Variants in AFF2 observed in about 807,000 individuals in gnomAD.
The protein encoded by AFF2 is ALF transcription elongation factor 2, also known as AF4/FMR2 family member 2.
Under a neutral mutation model 76.9 loss-of-function variants are expected in AFF2, and 14 were observed. The ratio of observed to expected loss-of-function variants is 0.18; its 90% CI spans 0.12 to 0.28. The LOEUF (loss-of-function observed/expected upper bound fraction) is 0.28. AFF2 is among the 10% of genes least tolerant of loss of function. AFF2 has a pLI of 1.00. For missense variants in AFF2, 868 were observed against 1,001.1 expected, an observed-to-expected ratio of 0.87 and a Z score of 1.79; for synonymous variants, 398 against 366.7, an observed-to-expected ratio of 1.09 and a Z score of -0.98.
At chrX:148,623,124 TA>T (rs2053886269) in intron 1 of AFF2, among the ~76,000 whole-genome samples, 1 of 111,529 alleles carries the variant, frequency 9.0e-6, no homozygotes, top group Non-Finnish European at 1.9e-5. Context: ...GATGGTATCA[TA>T]TAATATAAAG....
intron 1 of AFF2, among the ~76,000 whole-genome samples, chrX:148,564,468 G>GA (rs5904241): frequency 0.3 from 25,554 of 85,443 alleles, 3,795 homozygotes; most frequent in East Asian, 0.92. Context: ...CTCTTGATTT[G>GA]AAAAAAAAAA....
At chrX:148,636,977 G>T (rs1348742403) in intron 1 of AFF2, among the ~76,000 whole-genome samples, 1 of 111,833 alleles carries the variant, frequency 8.9e-6, no homozygotes, top group Non-Finnish European at 1.9e-5. Context: ...ATAGTGCTTA[G>T]GATCTTTAAA....
chrX:148,529,398 G>C (rs1445526321), intron 1 of AFF2, among the ~76,000 whole-genome samples: 1 of 111,787 alleles, frequency 8.9e-6, no homozygotes, highest in African/African-American at 3.3e-5. Flanking sequence ...TATGCAATGG[G>C]GCCTTTATGT....
chrX:148,837,920 C>T (rs781965336), intron 5 of AFF2, among the ~76,000 whole-genome samples, 187 bp downstream of exon 5: 3 of 111,976 alleles, frequency 2.7e-5, no homozygotes, highest in Non-Finnish European at 3.8e-5. Flanking sequence ...AAAATACACA[C>T]AGATACCGGC....
At chrX:148,565,981 A>G (rs1352874787) in intron 1 of AFF2, among the ~76,000 whole-genome samples, 6 of 111,496 alleles carry the variant, frequency 5.4e-5, no homozygotes, top group African/African-American at 2.0e-4. Context: ...ATGTGCGTGT[A>G]TAGTTAGAAG....
intron 7 of AFF2, among the ~76,000 whole-genome samples, chrX:148,865,027 C>G (rs2070890210): frequency 8.9e-6 from 1 of 112,233 alleles, no homozygotes; most frequent in African/African-American, 3.2e-5. Context: ...TTGTGAGACT[C>G]TAAGTCACTC....
intron 3 of AFF2, among the ~76,000 whole-genome samples, chrX:148,732,690 T>A (rs1298607145): frequency 9.2e-6 from 1 of 108,463 alleles, no homozygotes; most frequent in Admixed American, 9.9e-5. Flanking sequence ...ATGTATAGAA[T>A]GGGAGTACCT....
intron 13 of AFF2, among the ~76,000 whole-genome samples, chrX:148,963,499 G>T (rs1557288346): frequency 1.8e-5 from 2 of 112,072 alleles, no homozygotes; most frequent in Non-Finnish European, 1.9e-5. Flanking sequence ...AAAATGAGGG[G>T]ATTTGACTAG....
intron 8 of AFF2, among the ~76,000 whole-genome samples, chrX:148,888,121 C>T (rs1427475389): frequency 3.6e-5 from 4 of 111,813 alleles, no homozygotes; most frequent in Non-Finnish European, 5.6e-5. Context: ...GTGCATCCAT[C>T]CCAGTTCCAG....
At chrX:148,726,770 G>C (rs563399632) in intron 3 of AFF2, among the ~76,000 whole-genome samples, 2 of 111,791 alleles carry the variant, frequency 1.8e-5, no homozygotes, top group African/African-American at 6.5e-5. Context: ...TATTGATTTA[G>C]GTGTAGCACA....
rs782254180 is a variant in AFF2 at position 148,584,779 on chromosome X, T to C, written c.48-67220T>C. ...TCCCGATCTTCTCCTGACCTCGTGA[T>C]CCGCCCGCCTCGGCCTCCCATTGTG... On this transcript the variant is annotated intron_variant, in intron 1 of 20. Transcript: ENST00000370460. Among the ~76,000 whole-genome samples, 201 of 110,232 alleles carry C rather than the reference T, an allele frequency of 1.8e-3. 1 individual carries two copies. Among genetic ancestry groups the C allele is most frequent in the African/African-American group, 6.5e-3 (197 of 30,270 alleles).
chrX:148,987,378 C>A lies in AFF2; in HGVS notation c.3635C>A (p.Ser1212Tyr). The A allele has an allele frequency of 7.4e-6, 9 of 1,208,345 alleles. No homozygotes were observed. Among genetic ancestry groups the A allele is most frequent in the Non-Finnish European group, 7.8e-6 (7 of 893,497 alleles). Residue 1212 changes from serine to tyrosine, a missense_variant, in exon 20 of 21, where the codon TCC (serine) becomes TAC (tyrosine). By Grantham distance (144) the Ser-to-Tyr change is moderately radical (BLOSUM62 -2). Transcript: ENST00000370460. The part of the protein sequence containing the change: ...PWVSNGKNTP[S>Y]PVSLNNVSPI... ...TTTCCATTTCCCAGGAACACTCCATCCCCAGTGTCTCTCAACAACGTCTCC... is the reference window on the plus strand; with the variant it reads ...TTTCCATTTCCCAGGAACACTCCATACCCAGTGTCTCTCAACAACGTCTCC...
rs782199224 is a variant in AFF2, at chrX:148,717,207, A to G, written c.1041+54439A>G. On this transcript the variant is annotated intron_variant, in intron 3 of 20. Transcript: ENST00000370460. ...CGAATACACAAAATATGGTCTATCC[A>G]TACAGTGGAATATTATTCAGCCATG... 4.4e-5 allele frequency among the ~76,000 whole-genome samples: 5 copies of G among 112,411 alleles called. No individual in the cohort carries two copies. The East Asian group carries it at 8.5e-4, about 19-fold the overall frequency.
At chrX:148,688,960 G>A (rs2054625374) in intron 3 of AFF2, among the ~76,000 whole-genome samples, 1 of 112,267 alleles carries the variant, frequency 8.9e-6, no homozygotes, top group African/African-American at 3.2e-5. Flanking sequence ...TGAAATGACT[G>A]TACTTGCTAT....
At chrX:148,719,929 T>C (rs1247313695) in intron 3 of AFF2, among the ~76,000 whole-genome samples, 1 of 111,437 alleles carries the variant, frequency 9.0e-6, no homozygotes, top group African/African-American at 3.3e-5. Flanking sequence ...GCAATGGGTA[T>C]GTAGAATGCT....
At chrX:148,842,194 C>T (rs1164558678) in intron 5 of AFF2, among the ~76,000 whole-genome samples, 1 of 112,219 alleles carries the variant, frequency 8.9e-6, no homozygotes, top group Non-Finnish European at 1.9e-5. Context: ...CCACACAGTG[C>T]CATGTGTGCC....
At chrX:148,852,739 C>T (rs192261248) in intron 7 of AFF2, among the ~76,000 whole-genome samples, 5 of 111,562 alleles carry the variant, frequency 4.5e-5, no homozygotes, top group East Asian at 2.8e-4. Flanking sequence ...AGATAGATTT[C>T]GCTATCTCCA....
chrX:148,797,740 T>C (rs1038356651), intron 3 of AFF2, among the ~76,000 whole-genome samples: 2 of 111,990 alleles, frequency 1.8e-5, no homozygotes, highest in Admixed American at 9.5e-5. Context: ...ATTTCCAGGA[T>C]AGCCCTGATT....
At chrX:148,917,006 C>CT (rs1354775763) in intron 9 of AFF2, among the ~76,000 whole-genome samples, 1 of 112,390 alleles carries the variant, frequency 8.9e-6, no homozygotes, top group Non-Finnish European at 1.9e-5. Flanking sequence ...TGCGTTTAGT[C>CT]TTAGAATAAG....
Sources: allele counts gnomAD v4.1 joint callset (sites outside exome capture counted in the v4.1 genomes callset), GRCh38; gene constraint gnomAD v4.1.1; transcripts MANE v1.5; gene names NCBI Gene and HGNC (gene_info 2026-07-23, HGNC 2026-07-21).